DPP6: variants seen among roughly 807,000 people sequenced by gnomAD.
DPP6 encodes the protein dipeptidyl peptidase like 6.
A neutral mutation model predicts 122.6 loss-of-function variants in DPP6; 69 were observed. The ratio of observed to expected loss-of-function variants is 0.56; its 90% CI spans 0.46 to 0.69. DPP6 has a LOEUF of 0.69. Ranked by LOEUF, DPP6 falls within the 30% of genes least tolerant of loss-of-function variation. DPP6 has a pLI of 0.00. For synonymous variants in DPP6, 418 were observed against 433.1 expected, an observed-to-expected ratio of 0.97 and a Z score of 0.43; for missense variants, 928 against 1,116.9, an observed-to-expected ratio of 0.83 and a Z score of 2.41.
intron 1 of DPP6, among the ~76,000 whole-genome samples, chr7:154,104,676 A>G (rs535989207): frequency 2.2e-4 from 34 of 152,378 alleles, no homozygotes; most frequent in Non-Finnish European, 4.6e-4. Context: ...TGCATAACAA[A>G]CAGCCAATGT....
At chr7:154,260,178 G>A (rs1202778903) in intron 1 of DPP6, among the ~76,000 whole-genome samples, 1 of 152,306 alleles carries the variant, frequency 6.6e-6, no homozygotes, top group East Asian at 1.9e-4. Context: ...GGGAGCGGTA[G>A]GAGAGGATGT....
the DPP6 span, among the ~76,000 whole-genome samples, chr7:153,754,851 A>G: frequency 6.0e-5 from 9 of 150,104 alleles, no homozygotes; most frequent in Admixed American, 3.3e-4. Context: ...AAATTCTAAA[A>G]TGTCCACTTA....
chr7:154,353,086 G>A (rs1811005070), intron 1 of DPP6, among the ~76,000 whole-genome samples: 2 of 152,218 alleles, frequency 1.3e-5, no homozygotes, highest in Admixed American at 1.3e-4. Flanking sequence ...CTACCTGTAG[G>A]CTTCAGACCT....
At chr7:154,805,036 T>G in intron 15 of DPP6, 72 bp downstream of exon 15, 1 of 1,529,320 alleles carries the variant, frequency 6.5e-7, no homozygotes, top group Admixed American at 2.0e-5. Flanking sequence ...GAATTGCACC[T>G]TTTCAGCAGT....
intron 2 of DPP6, among the ~76,000 whole-genome samples, chr7:154,456,978 G>C (rs1586329216): frequency 1.6e-5 from 1 of 62,558 alleles, no homozygotes; most frequent in Non-Finnish European, 3.2e-5. Context: ...TGGTGAGAGA[G>C]GGCATCCCTG....
intron 1 of DPP6, among the ~76,000 whole-genome samples, chr7:154,313,811 C>T (rs895570996): frequency 4.7e-5 from 7 of 148,634 alleles, no homozygotes; most frequent in Non-Finnish European, 1.0e-4. Context: ...TTTAGGAAGA[C>T]TCAATATAAT....
At chr7:154,865,736 G>C (rs1236131785) in intron 17 of DPP6, among the ~76,000 whole-genome samples, 3 of 152,160 alleles carry the variant, frequency 2.0e-5, no homozygotes, top group Non-Finnish European at 2.9e-5. Context: ...GAGCCCTGAA[G>C]ACCTTTGCAG....
At chr7:154,112,833 T>C (rs528751010) in intron 1 of DPP6, among the ~76,000 whole-genome samples, 1 of 152,296 alleles carries the variant, frequency 6.6e-6, no homozygotes, top group East Asian at 1.9e-4. Context: ...ACAGCAAATA[T>C]CTAGAACTTA....
intron 21 of DPP6, chr7:154,885,251 C>T (rs1806048276): frequency 1.0e-5 from 2 of 196,140 alleles, no homozygotes; most frequent in South Asian, 2.0e-4. Context: ...CCCTCAGAAT[C>T]ATGTGCAGTG....
chr7:154,712,731 A>G (rs905273090), intron 7 of DPP6, among the ~76,000 whole-genome samples: 1 of 152,222 alleles, frequency 6.6e-6, no homozygotes. Flanking sequence ...TGATTCAATT[A>G]TCTCTACCTG....
chr7:154,109,480 T>C (rs1189079101), intron 1 of DPP6, among the ~76,000 whole-genome samples: 2 of 151,988 alleles, frequency 1.3e-5, no homozygotes, highest in East Asian at 1.9e-4. Context: ...TTAGTAGAGA[T>C]AGGGTTTCAC....
At chr7:154,244,293 A>G (rs1416142651) in intron 1 of DPP6, among the ~76,000 whole-genome samples, 1 of 152,216 alleles carries the variant, frequency 6.6e-6, no homozygotes, top group Non-Finnish European at 1.5e-5. Flanking sequence ...TATATAAAGC[A>G]AAAATATCCT....
At chr7:154,858,960 C>T (rs941452080) in intron 17 of DPP6, among the ~76,000 whole-genome samples, 4 of 152,212 alleles carry the variant, frequency 2.6e-5, no homozygotes, top group African/African-American at 7.2e-5. Context: ...CAGCAAACTT[C>T]AGGGCGAGGC....
the DPP6 span, among the ~76,000 whole-genome samples, chr7:153,822,067 C>T: frequency 2.0e-5 from 3 of 151,880 alleles, no homozygotes; most frequent in Admixed American, 2.0e-4. Flanking sequence ...TGGCTTATGC[C>T]CAAGTTAGCA....
chr7:154,246,518 G>C (rs1801996186), intron 1 of DPP6, among the ~76,000 whole-genome samples: 1 of 152,120 alleles, frequency 6.6e-6, no homozygotes, highest in African/African-American at 2.4e-5. Context: ...CAACAAGGTG[G>C]TAGAAATTGA....
At chr7:153,962,308 T>C (rs181182110) in intron 1 of DPP6, among the ~76,000 whole-genome samples, 116 of 152,342 alleles carry the variant, frequency 7.6e-4, no homozygotes, top group African/African-American at 2.6e-3. Flanking sequence ...TGATACTGTC[T>C]GCAGAATCTG....
intron 1 of DPP6, among the ~76,000 whole-genome samples, chr7:154,328,346 T>C (rs1466252640): frequency 6.6e-6 from 1 of 152,200 alleles, no homozygotes; most frequent in Non-Finnish European, 1.5e-5. Flanking sequence ...GACATGAAGC[T>C]ACATCCCGAA....
chr7:154,229,747 T>C (rs1429675126), intron 1 of DPP6, among the ~76,000 whole-genome samples: 4 of 152,188 alleles, frequency 2.6e-5, no homozygotes, highest in African/African-American at 9.6e-5. Context: ...TTGCTGCAAT[T>C]TTATCAGAAT....
intron 1 of DPP6, among the ~76,000 whole-genome samples, chr7:154,147,619 AC>A (rs1796172340): frequency 6.6e-6 from 1 of 151,720 alleles, no homozygotes; most frequent in African/African-American, 2.4e-5. Flanking sequence ...AGCTGGGATT[AC>A]AGGCACCCAC....
Sources: allele counts gnomAD v4.1 joint callset (sites outside exome capture counted in the v4.1 genomes callset), GRCh38; gene constraint gnomAD v4.1.1; transcripts MANE v1.5; gene names NCBI Gene and HGNC (gene_info 2026-07-23, HGNC 2026-07-21).